The following UGT1A7 variants were observed in gnomAD, a reference collection of about 807,000 sequenced individuals.
UGT1A7 encodes the protein UDP-glucuronosyltransferase 1A7.
In UGT1A7, 33 loss-of-function variants were observed where a neutral mutation model predicts 45.6. The observed-to-expected ratio is 0.72, with a 90% CI of 0.55 to 0.97. The LOEUF (loss-of-function observed/expected upper bound fraction) is 0.97. UGT1A7 is among the 50% of genes least tolerant of loss of function. The pLI, the probability that UGT1A7 is intolerant of heterozygous loss-of-function variation, is 0.00. For synonymous variants in UGT1A7, 274 were observed against 250.6 expected, an observed-to-expected ratio of 1.09 and a Z score of -0.88; for missense variants, 684 against 666.2, an observed-to-expected ratio of 1.03 and a Z score of -0.29.
chr2:233,751,741 C>G (rs1161851392), intron 1 of UGT1A7, among the ~76,000 whole-genome samples: 2 of 152,164 alleles, frequency 1.3e-5, no homozygotes, highest in East Asian at 1.9e-4. Context: ...CTCTGTTTCT[C>G]TCTTGCTTGC....
At chr2:233,705,982 A>G (rs535507693) in intron 1 of UGT1A7, among the ~76,000 whole-genome samples, 1 of 152,274 alleles carries the variant, frequency 6.6e-6, no homozygotes, top group African/African-American at 2.4e-5. Context: ...CCGGCTACTC[A>G]GGAGGCTGAG....
intron 1 of UGT1A7, chr2:233,754,743 C>A (rs1442095371): frequency 4.1e-6 from 3 of 727,770 alleles, no homozygotes; most frequent in Middle Eastern, 2.7e-4. Flanking sequence ...GTAGGACATG[C>A]AGAAGGAAGA....
Position 233,682,335 on chromosome 2 carries a change from T to A in UGT1A7, c.398T>A (p.Leu133Ter). The A allele has an allele frequency of 6.2e-7, 1 of 1,614,168 alleles. No homozygotes were observed. Reference sequence around the variant, plus strand: ...AGGAGTTTGTTTAATGACCGAAAATTAGTAGAATACTTAAAGGAGAGTTGT... The same window carrying A: ...AGGAGTTTGTTTAATGACCGAAAATAAGTAGAATACTTAAAGGAGAGTTGT... ...NCRSLFNDRK[L>*]VEYLKESCFD... The change falls in exon 1 of 5, where the codon TTA becomes TAA. Residue 133 changes from leucine to a stop codon, truncating the protein, a stop_gained. Coordinates refer to ENST00000373426, the MANE Select transcript of UGT1A7 (RefSeq NM_019077.3). LOFTEE classifies it high-confidence loss of function.
chr2:233,705,029 G>A (rs1236578902), intron 1 of UGT1A7, among the ~76,000 whole-genome samples: 1 of 151,982 alleles, frequency 6.6e-6, no homozygotes, highest in Non-Finnish European at 1.5e-5. Context: ...CCAGCTACTC[G>A]GGAGGCTGAG....
At chr2:233,718,756 G>A (rs994719163) in intron 1 of UGT1A7, 95 of 1,612,444 alleles carry the variant, frequency 5.9e-5, no homozygotes, top group East Asian at 2.9e-4. Context: ...TAATTAAGGC[G>A]AAGGAAACAA....
At chr2:233,724,425 G>A in intron 1 of UGT1A7, among the ~76,000 whole-genome samples, 1 of 126,932 alleles carries the variant, frequency 7.9e-6, no homozygotes, top group East Asian at 2.6e-4. Flanking sequence ...CGGGCGGAGA[G>A]GCTCCTCACT....
intron 1 of UGT1A7, chr2:233,743,684 G>A (rs753997745): frequency 1.5e-6 from 2 of 1,367,252 alleles, no homozygotes; most frequent in Non-Finnish European, 2.0e-6. Context: ...CCTGCCGCCT[G>A]TGCAGCCGCC....
intron 1 of UGT1A7, chr2:233,690,926 C>G (rs990494432): frequency 9.8e-7 from 1 of 1,021,816 alleles, no homozygotes; most frequent in Non-Finnish European, 1.2e-6. Context: ...ATTTCTTCAG[C>G]TCCTTCCTCC....
At chr2:233,697,063 GT>G (rs1308973178) in intron 1 of UGT1A7, among the ~76,000 whole-genome samples, 1 of 151,994 alleles carries the variant, frequency 6.6e-6, no homozygotes, top group African/African-American at 2.4e-5. Flanking sequence ...TCCTTGTCTG[GT>G]TTTGGTATCA....
At chr2:233,724,380 G>A (rs868115518) in intron 1 of UGT1A7, among the ~76,000 whole-genome samples, 4,371 of 138,732 alleles carry the variant, frequency 0.032, 38 homozygotes, top group African/African-American at 0.047. Flanking sequence ...GCTGCCGGGC[G>A]GAGACGCTCC....
At chr2:233,737,894 G>A (rs1690620451) in intron 1 of UGT1A7, among the ~76,000 whole-genome samples, 1 of 151,986 alleles carries the variant, frequency 6.6e-6, no homozygotes, top group Non-Finnish European at 1.5e-5. Context: ...GCTAATTTTC[G>A]AGTGTGGTAA....
rs797046090 is a variant in UGT1A7, at chr2:233,760,524, C to CCGTA, written c.856-6509_856-6508insGTAC. ...GAGCATTTTACACCTTGAAGACGTA[C>CCGTA]CCTGTGCCATTCCAAAGGGAGGATG... On this transcript the variant is annotated intron_variant, in intron 1 of 4. Coordinates refer to ENST00000373426, the MANE Select transcript of UGT1A7 (RefSeq NM_019077.3). The CCGTA allele has an allele frequency of 6.2e-7, 1 of 1,614,240 alleles. No homozygotes were observed. The highest frequency in any genetic ancestry group is 1.6e-4 in the Middle Eastern group (1 of 6,062).
intron 1 of UGT1A7, chr2:233,743,410 C>A: frequency 2.3e-6 from 3 of 1,318,156 alleles, no homozygotes; most frequent in African/African-American, 1.5e-5. Flanking sequence ...AAGGCCCCCA[C>A]TTCCCAGGGA....
At chr2:233,749,153 G>A (rs530115797) in intron 1 of UGT1A7, among the ~76,000 whole-genome samples, 14 of 151,714 alleles carry the variant, frequency 9.2e-5, no homozygotes, top group Non-Finnish European at 1.3e-4. Flanking sequence ...TCCATGACTT[G>A]ATCCTTTTGT....
chr2:233,747,446 A>G (rs1037579291), intron 1 of UGT1A7: 7 of 1,608,790 alleles, frequency 4.4e-6, no homozygotes, highest in Admixed American at 3.3e-5. Flanking sequence ...TCACCCTGAC[A>G]ACCTATGCCA....
Position 233,760,648 on chromosome 2 carries a change from G to C in UGT1A7, c.856-6386G>C, listed in dbSNP as rs1697515818. The C allele has an allele frequency of 6.2e-7, 1 of 1,614,206 alleles. No homozygotes were observed. Among genetic ancestry groups the C allele is most frequent in the African/African-American group, 1.3e-5 (1 of 75,044 alleles). On this transcript the variant is annotated intron_variant, in intron 1 of 4. Coordinates refer to ENST00000373426, the MANE Select transcript of UGT1A7 (RefSeq NM_019077.3). ...ATACAAGAAAATAAAAAAGGACTCT[G>C]CTATGCTTTTGTCTGGCTGTTCCCA...
chr2:233,747,025 G>A (rs1332207172), intron 1 of UGT1A7, among the ~76,000 whole-genome samples: 1 of 151,910 alleles, frequency 6.6e-6, no homozygotes. Flanking sequence ...GGTCTTTCCC[G>A]AAGTGGGACC....
At position 233,758,850 on chromosome 2, in the gene UGT1A7, C is replaced by A. The variant is rs141810687; in HGVS notation, c.856-8184C>A. ...CAAAAAGAGTGTAATACTTCCAATT[C>A]TGGCTGCACAATACTTGCCCCATAG... On this transcript the variant is annotated intron_variant, in intron 1 of 4. Transcript: ENST00000373426. Among the ~76,000 whole-genome samples the A allele has an allele frequency of 4.5e-3, 678 of 152,282 alleles. 10 individuals are homozygous for A. The highest frequency in any genetic ancestry group is 0.015 in the African/African-American group (640 of 41,546).
At position 233,704,405 on chromosome 2, in the gene UGT1A7, A is replaced by C. The variant is rs761303272; in HGVS notation, c.855+21613A>C. 5.7e-4 allele frequency among the ~76,000 whole-genome samples: 87 copies of C among 152,010 alleles called. 2 individuals carry two copies. The highest frequency in any genetic ancestry group is 1.3e-4 in the Admixed American group (2 of 15,270). On this transcript the variant is annotated intron_variant, in intron 1 of 4. Coordinates refer to ENST00000373426, the MANE Select transcript of UGT1A7 (RefSeq NM_019077.3). ...ATTTTAACTTACCAGTATCTACTTC[A>C]GATTTATACCAACTTAATTCCAGTT... is the stretch of plus-strand genomic sequence containing the variant.
Sources: allele counts gnomAD v4.1 joint callset (sites outside exome capture counted in the v4.1 genomes callset), GRCh38; gene constraint gnomAD v4.1.1; transcripts MANE v1.5; gene names NCBI Gene and HGNC (gene_info 2026-07-23, HGNC 2026-07-21).